The following KCNJ6 variants were observed in gnomAD, a reference collection of about 807,000 sequenced individuals.
KCNJ6 encodes the protein potassium inwardly rectifying channel subfamily J member 6, also known as G protein-activated inward rectifier potassium channel 2.
A neutral mutation model predicts 34.2 loss-of-function variants in KCNJ6; 9 were observed. The ratio of observed to expected loss-of-function variants is 0.26; its 90% CI spans 0.16 to 0.46. KCNJ6 has a LOEUF of 0.46. Among genes scored for constraint, KCNJ6 ranks in the 20% least tolerant of loss-of-function variants. The pLI is 1.00. For synonymous variants in KCNJ6, 196 were observed against 207.1 expected (o/e 0.95, Z 0.46); for missense variants, 236 against 531.3 (o/e 0.44, Z 5.46).
At position 37,617,216 on chromosome 21, in the gene KCNJ6, C is replaced by CCTTA; in HGVS notation, c.*7942_*7943insTAAG. On this transcript the variant is annotated 3_prime_UTR_variant, in exon 4 of 4. Coordinates refer to ENST00000609713, the MANE Select transcript of KCNJ6 (RefSeq NM_002240.5). Reference sequence around the variant, plus strand: ...TCCTTCCTTCCTTCCTTCCTTCCTTCCTTCTTTTCTTTCTTTTTTTGAGAC... The same window carrying CCTTA: ...TCCTTCCTTCCTTCCTTCCTTCCTTCCTTACTTCTTTTCTTTCTTTTTTTGAGAC... The CCTTA allele has an allele frequency of 7.7e-6, 1 of 130,542 alleles. No homozygotes were observed. The highest frequency in any genetic ancestry group is 8.0e-5 in the Admixed American group (1 of 12,550). 8.1% of individuals were successfully genotyped at this position (130,542 alleles called of 1,614,324 possible).
At chr21:37,899,680 G>A (rs1177209380) in intron 1 of KCNJ6, among the ~76,000 whole-genome samples, 1 of 152,136 alleles carries the variant, frequency 6.6e-6, no homozygotes, top group Non-Finnish European at 1.5e-5. Context: ...CCAAAATGCA[G>A]GGCCAGAGTC....
chr21:37,636,416 G>C (rs2054358356), intron 3 of KCNJ6, among the ~76,000 whole-genome samples: 1 of 152,244 alleles, frequency 6.6e-6, no homozygotes, highest in Non-Finnish European at 1.5e-5. Context: ...GAGTGTGCGT[G>C]TGTGCGTAGC....
intron 3 of KCNJ6, among the ~76,000 whole-genome samples, chr21:37,679,742 T>C (rs1299304079): frequency 6.6e-6 from 1 of 152,182 alleles, no homozygotes; most frequent in Non-Finnish European, 1.5e-5. Flanking sequence ...GCCTTCTGTA[T>C]GGTAGGGATT....
At chr21:37,663,463 C>CAA (rs34378084) in intron 3 of KCNJ6, among the ~76,000 whole-genome samples, 2 of 146,124 alleles carry the variant, frequency 1.4e-5, no homozygotes, top group African/African-American at 5.0e-5. Flanking sequence ...TTTCATGAAA[C>CAA]AAAAAAAAAA....
At chr21:37,872,311 T>C (rs939216930) in intron 1 of KCNJ6, among the ~76,000 whole-genome samples, 6 of 152,316 alleles carry the variant, frequency 3.9e-5, no homozygotes, top group East Asian at 3.9e-4. Context: ...CAAGAAGCCA[T>C]AACTAATAAC....
At chr21:37,706,533 C>T (rs1920085547) in intron 3 of KCNJ6, among the ~76,000 whole-genome samples, 1 of 152,198 alleles carries the variant, frequency 6.6e-6, no homozygotes, top group Non-Finnish European at 1.5e-5. Context: ...CTCCTTCAGT[C>T]TGCATCTTGG....
At chr21:37,780,260 G>T (rs545900296) in intron 2 of KCNJ6, among the ~76,000 whole-genome samples, 7 of 152,284 alleles carry the variant, frequency 4.6e-5, no homozygotes, top group Admixed American at 1.3e-4. Flanking sequence ...TCTGCAAAAG[G>T]CAAAACTATG....
intron 1 of KCNJ6, among the ~76,000 whole-genome samples, chr21:37,890,995 GA>G (rs755716450): frequency 7.9e-5 from 12 of 152,106 alleles, no homozygotes; most frequent in Non-Finnish European, 1.6e-4. Context: ...ATAAATTCTG[GA>G]AATTTCTCCC....
rs75631100 is a variant in KCNJ6 at position 37,644,813 on chromosome 21, T to C, written c.947-19329A>G. On this transcript the variant is annotated intron_variant, in intron 3 of 3. Transcript: ENST00000609713. ...TTTGTACCCTGCTTTGTTAATAGCC[T>C]GTCAAAAGGAAATGCCTTGAGCGTG... is the stretch of plus-strand genomic sequence containing the variant. Among the ~76,000 whole-genome samples the C allele has an allele frequency of 1.1e-3, 161 of 152,306 alleles. 2 individuals carry two copies. In the East Asian group the frequency reaches 0.029, roughly 27 times the overall value.
intron 2 of KCNJ6, among the ~76,000 whole-genome samples, chr21:37,800,714 C>G (rs540634092): frequency 6.6e-6 from 1 of 152,322 alleles, no homozygotes; most frequent in African/African-American, 2.4e-5. Flanking sequence ...TCCTGTTTGC[C>G]ATCTTCCTGA....
intron 3 of KCNJ6, among the ~76,000 whole-genome samples, chr21:37,685,381 A>T (rs1423703188): frequency 6.7e-6 from 1 of 149,740 alleles, no homozygotes; most frequent in Non-Finnish European, 1.5e-5. Flanking sequence ...CATCAATCTC[A>T]CTTCTAAGAA....
intron 3 of KCNJ6, among the ~76,000 whole-genome samples, chr21:37,707,542 G>A (rs187283145): frequency 6.6e-6 from 1 of 152,186 alleles, no homozygotes; most frequent in East Asian, 1.9e-4. Context: ...TGCTGTAAAT[G>A]ACACAAAGGG....
At chr21:37,766,850 T>C (rs2055093934) in intron 2 of KCNJ6, among the ~76,000 whole-genome samples, 1 of 152,140 alleles carries the variant, frequency 6.6e-6, no homozygotes, top group Non-Finnish European at 1.5e-5. Context: ...GGCATTAGAT[T>C]CTTACAGAAG....
intron 2 of KCNJ6, among the ~76,000 whole-genome samples, chr21:37,755,539 G>A (rs539455381): frequency 6.6e-6 from 1 of 152,386 alleles, no homozygotes; most frequent in African/African-American, 2.4e-5. Flanking sequence ...AGGCAGACTA[G>A]TTGAGGGAAA....
At chr21:37,828,402 G>A (rs763898661) in intron 2 of KCNJ6, among the ~76,000 whole-genome samples, 13 of 152,080 alleles carry the variant, frequency 8.5e-5, no homozygotes, top group Admixed American at 3.9e-4. Flanking sequence ...GTGCTTCCCC[G>A]GCCTGCTTCC....
In KCNJ6 at chr21:37,613,782, G is replaced by C. The variant is rs114920518; in HGVS notation, c.*11377C>G. The stretch of plus-strand genomic sequence containing the variant: ...TGGGAGGACACAAGATGAATTGGGA[G>C]AGCACAGAGGATTTTTAGGGCCGTG... On this transcript the variant is annotated 3_prime_UTR_variant, in exon 4 of 4. Transcript: ENST00000609713. 2,719 of 152,304 alleles carry C rather than the reference G, an allele frequency of 0.018. 83 individuals carry two copies. Among genetic ancestry groups the C allele is most frequent in the African/African-American group, 0.06 (2,512 of 41,550 alleles). 9.4% of individuals were successfully genotyped at this position (152,304 alleles called of 1,614,324 possible).
At chr21:37,910,280 G>C (rs2836047) in intron 1 of KCNJ6, among the ~76,000 whole-genome samples, 3 of 151,920 alleles carry the variant, frequency 2.0e-5, no homozygotes, top group Non-Finnish European at 4.4e-5. Flanking sequence ...AAGAAACACC[G>C]GAGCCTGTGC....
intron 1 of KCNJ6, among the ~76,000 whole-genome samples, chr21:37,877,308 G>T (rs1202494706): frequency 6.6e-6 from 1 of 152,154 alleles, no homozygotes; most frequent in Non-Finnish European, 1.5e-5. Flanking sequence ...GGTATTATCT[G>T]CAGTTTCTAC....
chr21:37,805,973 TTC>T (rs2055291725), intron 2 of KCNJ6, among the ~76,000 whole-genome samples: 1 of 152,176 alleles, frequency 6.6e-6, no homozygotes. Flanking sequence ...GTGAATAAAT[TTC>T]TGTTGTTTTA....
Sources: gnomAD v4.1 joint callset for allele counts (sites outside exome capture counted in the v4.1 genomes callset) on GRCh38, gnomAD v4.1.1 for gene constraint, MANE v1.5 for transcripts, NCBI Gene and HGNC (gene_info 2026-07-23, HGNC 2026-07-21) for gene names.